LIPC: variants seen among roughly 807,000 people sequenced by gnomAD.
The protein encoded by LIPC is hepatic triacylglycerol lipase.
LIPC carries 44 observed loss-of-function variants against 50.7 expected under a neutral mutation model. The observed-to-expected ratio is 0.87, with a 90% CI of 0.68 to 1.11. The LOEUF (loss-of-function observed/expected upper bound fraction) is 1.11, where lower values mean the gene tolerates loss of function less well. Among genes scored for constraint, LIPC ranks in the 50% most tolerant of loss-of-function variants. LIPC has a pLI of 0.00. For missense variants in LIPC, 697 were observed against 648.2 expected (o/e 1.08, Z -0.82); for synonymous variants, 271 against 256.4 (o/e 1.06, Z -0.54).
chr15:58,525,022 AT>A (rs11413411), intron 1 of LIPC, among the ~76,000 whole-genome samples: 4 of 151,784 alleles, frequency 2.6e-5, no homozygotes, highest in South Asian at 2.1e-4. Context: ...ATTAGCCCAT[AT>A]TTTTTTTCTG....
intron 1 of LIPC, chr15:58,533,235 A>G (rs1037802927): frequency 1.0e-5 from 9 of 872,274 alleles, no homozygotes; most frequent in Non-Finnish European, 1.2e-5. Flanking sequence ...TATGGAACCA[A>G]TTTCTTCACT....
At chr15:58,466,111 T>C (rs1217911155) in intron 1 of LIPC, among the ~76,000 whole-genome samples, 1 of 152,244 alleles carries the variant, frequency 6.6e-6, no homozygotes, top group Non-Finnish European at 1.5e-5. Flanking sequence ...CTGTGTAATT[T>C]ATTAGGAATC....
At chr15:58,475,851 C>T (rs1270903169) in intron 1 of LIPC, among the ~76,000 whole-genome samples, 1 of 152,220 alleles carries the variant, frequency 6.6e-6, no homozygotes, top group Admixed American at 6.5e-5. Context: ...TAACAATAAG[C>T]ACCACTCTGA....
At chr15:58,478,477 G>C (rs962741338) in intron 1 of LIPC, among the ~76,000 whole-genome samples, 3 of 152,090 alleles carry the variant, frequency 2.0e-5, no homozygotes, top group Admixed American at 6.6e-5. Context: ...GACCTCAAGT[G>C]ATCCACCGAT....
intron 1 of LIPC, among the ~76,000 whole-genome samples, chr15:58,463,615 G>A (rs1422626384): frequency 6.6e-6 from 1 of 152,114 alleles, no homozygotes; most frequent in Non-Finnish European, 1.5e-5. Context: ...GGAAAGAAAG[G>A]AAAGAATCCA....
chr15:58,558,323 G>A (rs888677965), intron 6 of LIPC, among the ~76,000 whole-genome samples: 10 of 152,162 alleles, frequency 6.6e-5, no homozygotes, highest in Admixed American at 1.3e-4. Flanking sequence ...CACCTGCCTC[G>A]GCTCCCAAAG....
At chr15:58,560,010 A>T (rs1894102681) in intron 6 of LIPC, among the ~76,000 whole-genome samples, 1 of 152,216 alleles carries the variant, frequency 6.6e-6, no homozygotes, top group African/African-American at 2.4e-5. Context: ...TATTTATAAA[A>T]TGGGGGTGAT....
chr15:58,546,991 G>C (rs1437525693), intron 5 of LIPC, among the ~76,000 whole-genome samples: 1 of 143,152 alleles, frequency 7.0e-6, no homozygotes, highest in African/African-American at 2.6e-5. Flanking sequence ...GTTCCCAGCT[G>C]ACCATCCAGC....
At chr15:58,532,055 A>G (rs1423427442) in intron 1 of LIPC, among the ~76,000 whole-genome samples, 1 of 152,216 alleles carries the variant, frequency 6.6e-6, no homozygotes, top group Non-Finnish European at 1.5e-5. Context: ...AAAGTTTAGT[A>G]ACTATTGTGC....
At chr15:58,467,925 G>A (rs1360005244) in intron 1 of LIPC, among the ~76,000 whole-genome samples, 2 of 152,164 alleles carry the variant, frequency 1.3e-5, no homozygotes, top group Admixed American at 1.3e-4. Context: ...GGGTCAGCTG[G>A]AACTGCTTCT....
At chr15:58,442,379 G>A (rs185025012) in intron 1 of LIPC, among the ~76,000 whole-genome samples, 4 of 152,266 alleles carry the variant, frequency 2.6e-5, no homozygotes, top group East Asian at 3.9e-4. Context: ...CCAGACACCC[G>A]GAGGACAAAG....
rs566302988 is a variant in LIPC, at chr15:58,470,844, G to A, written c.88+38724G>A. Among the ~76,000 whole-genome samples, 43 of 152,118 alleles carry A rather than the reference G, an allele frequency of 2.8e-4. No homozygotes were observed. In the South Asian group the frequency reaches 4.0e-3, roughly 14 times the overall value. ...TCTTGATCTCCTGACCTCGTGATCCGCCCAAGTCAAAACTTCAGATTTTGC... is the reference window on the plus strand; with the variant it reads ...TCTTGATCTCCTGACCTCGTGATCCACCCAAGTCAAAACTTCAGATTTTGC... On this transcript the variant is annotated intron_variant, in intron 1 of 8. Coordinates refer to ENST00000299022, the MANE Select transcript of LIPC (RefSeq NM_000236.3).
At chr15:58,510,202 T>A (rs28711852) in intron 1 of LIPC, among the ~76,000 whole-genome samples, 5,710 of 152,298 alleles carry the variant, frequency 0.037, 358 homozygotes, top group African/African-American at 0.13. Context: ...ATACTTTATG[T>A]CTTCAGTTGT....
At position 58,527,532 on chromosome 15, in the gene LIPC, G is replaced by A. The variant is rs376232440; in HGVS notation, c.89-10801G>A. Among the ~76,000 whole-genome samples the A allele has an allele frequency of 2.8e-4, 42 of 152,212 alleles. 1 individual carries two copies. In the South Asian group the frequency reaches 3.1e-3, roughly 11 times the overall value. On this transcript the variant is annotated intron_variant, in intron 1 of 8. Transcript: ENST00000299022. ...TCCCAAGATTATCTGAGGAGCTGGCGGTACCACCCACCAATGGAGTTCATC... is the reference window on the plus strand; with the variant it reads ...TCCCAAGATTATCTGAGGAGCTGGCAGTACCACCCACCAATGGAGTTCATC...
intron 8 of LIPC, among the ~76,000 whole-genome samples, chr15:58,568,500 G>T (rs538546536): frequency 3.3e-5 from 5 of 152,308 alleles, no homozygotes; most frequent in Admixed American, 3.3e-4. Context: ...AATCACCCCA[G>T]TGTAGAACTC....
intron 1 of LIPC, among the ~76,000 whole-genome samples, chr15:58,502,393 A>T (rs1322423693): frequency 6.6e-6 from 1 of 152,144 alleles, no homozygotes; most frequent in Non-Finnish European, 1.5e-5. Flanking sequence ...TACCTGGCAC[A>T]CGCAGGTGCT....
chr15:58,491,952 G>A (rs1891600303), intron 1 of LIPC, among the ~76,000 whole-genome samples: 1 of 152,312 alleles, frequency 6.6e-6, no homozygotes, highest in African/African-American at 2.4e-5. Context: ...CACATGACCT[G>A]GAGCAGGGGG....
intron 1 of LIPC, among the ~76,000 whole-genome samples, chr15:58,516,973 G>A (rs1454464335): frequency 2.0e-5 from 3 of 152,208 alleles, no homozygotes; most frequent in African/African-American, 7.2e-5. Context: ...GTCCTGGGGT[G>A]CAGTTAAATT....
rs1182630341 is a variant in LIPC, at chr15:58,569,828, G to A, written c.*1001G>A. 1 of 154,978 alleles carries A rather than the reference G, an allele frequency of 6.5e-6. No homozygotes were observed. The highest frequency in any genetic ancestry group is 2.4e-5 in the African/African-American group (1 of 41,504). 9.6% of individuals were successfully genotyped at this position (154,978 alleles called of 1,614,324 possible). On this transcript the variant is annotated 3_prime_UTR_variant, in exon 9 of 9. Transcript: ENST00000299022. Reference sequence around the variant, plus strand: ...GCTTCCAGAACTGTGAGAAATAAATGTTTCTTGTTTAAGCCATCCAGACTA... The same window carrying A: ...GCTTCCAGAACTGTGAGAAATAAATATTTCTTGTTTAAGCCATCCAGACTA...
Sources: gnomAD v4.1 joint callset for allele counts (sites outside exome capture counted in the v4.1 genomes callset) on GRCh38, gnomAD v4.1.1 for gene constraint, MANE v1.5 for transcripts, NCBI Gene and HGNC (gene_info 2026-07-23, HGNC 2026-07-21) for gene names.